AGAP1: variants seen among roughly 807,000 people sequenced by gnomAD.
The protein encoded by AGAP1 is arf-GAP with GTPase, ANK repeat and PH domain-containing protein 1.
In AGAP1, 29 loss-of-function variants were observed where a neutral mutation model predicts 105.3. The ratio of observed to expected loss-of-function variants is 0.28; its 90% CI spans 0.21 to 0.38. The LOEUF (loss-of-function observed/expected upper bound fraction) is 0.38, where lower values mean the gene tolerates loss of function less well. AGAP1 is among the 10% of genes least tolerant of loss of function. AGAP1 has a pLI of 1.00. For missense variants in AGAP1, 998 were observed against 1,165.1 expected, an observed-to-expected ratio of 0.86 and a Z score of 2.09; for synonymous variants, 509 against 485.9, an observed-to-expected ratio of 1.05 and a Z score of -0.63.
chr2:236,052,559 C>G (rs2057934796), intron 16 of AGAP1, among the ~76,000 whole-genome samples: 1 of 152,156 alleles, frequency 6.6e-6, no homozygotes, highest in African/African-American at 2.4e-5. Flanking sequence ...CAAACTTGAG[C>G]AGCATCATGA....
intron 1 of AGAP1, among the ~76,000 whole-genome samples, chr2:235,673,491 G>T (rs1363127923): frequency 3.3e-5 from 5 of 152,150 alleles, no homozygotes; most frequent in Non-Finnish European, 7.4e-5. Flanking sequence ...TGTGAGATCG[G>T]GTGGCGCCCT....
At chr2:235,495,040 G>A (rs1478047821) in intron 1 of AGAP1, among the ~76,000 whole-genome samples, 191 bp downstream of exon 1, 1 of 152,166 alleles carries the variant, frequency 6.6e-6, no homozygotes, top group Non-Finnish European at 1.5e-5. Context: ...CGCGCCGCGA[G>A]CTCCGCCAGG....
chr2:236,107,458 T>C (rs1458464116), intron 16 of AGAP1, among the ~76,000 whole-genome samples: 1 of 152,154 alleles, frequency 6.6e-6, no homozygotes, highest in African/African-American at 2.4e-5. Flanking sequence ...ACAGTCTCCA[T>C]AGGTTGCCTC....
chr2:235,895,699 TTGGATGGATGGATGGATGGA>T (rs113317282), intron 10 of AGAP1, among the ~76,000 whole-genome samples: 5 of 118,908 alleles, frequency 4.2e-5, no homozygotes, highest in Non-Finnish European at 7.8e-5. Context: ...CACTGGCTTG[TTGGATGGATGGATGGATGGA>T]TGGATGGATG....
chr2:235,667,942 C>T (rs891985486), intron 1 of AGAP1, among the ~76,000 whole-genome samples: 6 of 119,952 alleles, frequency 5.0e-5, no homozygotes, highest in South Asian at 2.6e-4. Context: ...TGGGCAAGAG[C>T]GAGTGAGCCT....
In AGAP1 at chr2:235,965,851, G is replaced by A. The variant is rs1016536989; in HGVS notation, c.1484-2611G>A. Among the ~76,000 whole-genome samples, 2 of 152,172 alleles carry A rather than the reference G, an allele frequency of 1.3e-5. No individual in the cohort carries two copies. The highest frequency in any genetic ancestry group is 2.4e-5 in the African/African-American group (1 of 41,440). ...ACAGAAGTGACGCAGTGGAGAGGGA[G>A]GAATGAGTGGAAGTGACCTGGCCAA... On this transcript the variant is annotated intron_variant, in intron 12 of 17. Transcript: ENST00000304032. This position sits in a 1 kb window ranked among gnomAD's most constrained non-coding sequence, Gnocchi z 5.8.
chr2:235,762,304 T>C (rs1954513660), intron 6 of AGAP1, among the ~76,000 whole-genome samples: 1 of 152,132 alleles, frequency 6.6e-6, no homozygotes, highest in Admixed American at 6.6e-5. Flanking sequence ...AAAGGGTGGC[T>C]TTGTCTCATG....
chr2:235,839,102 T>C (rs1209793308), intron 9 of AGAP1, among the ~76,000 whole-genome samples: 1 of 152,222 alleles, frequency 6.6e-6, no homozygotes, highest in Non-Finnish European at 1.5e-5. Context: ...TCAGAATCCA[T>C]GCCCATGCCA....
rs542089066 is a variant in AGAP1, at chr2:235,641,476, C to T, written c.164-67703C>T. On this transcript the variant is annotated intron_variant, in intron 1 of 17. Coordinates refer to ENST00000304032, the MANE Select transcript of AGAP1 (RefSeq NM_001037131.3). ...TTGGTAGGATGCCTCCCTTTGCATT[C>T]CAAGGCAGCACTTCAAGCAGCACTT... 5.3e-5 allele frequency among the ~76,000 whole-genome samples: 8 copies of T among 151,206 alleles called. No homozygotes were observed. In the South Asian group the frequency reaches 1.7e-3, roughly 32 times the overall value.
At chr2:235,798,926 G>A (rs1172192704) in intron 7 of AGAP1, among the ~76,000 whole-genome samples, 1 of 147,052 alleles carries the variant, frequency 6.8e-6, no homozygotes, top group Non-Finnish European at 1.5e-5. Context: ...TTAATTTTCT[G>A]TGAATCTTGA....
Position 236,101,286 on chromosome 2 carries a change from A to G in AGAP1, c.2115-18906A>G, listed in dbSNP as rs1292899434. 1.3e-5 allele frequency among the ~76,000 whole-genome samples: 2 copies of G among 152,172 alleles called. No individual in the cohort carries two copies. Among genetic ancestry groups the G allele is most frequent in the Non-Finnish European group, 2.9e-5 (2 of 68,032 alleles). On this transcript the variant is annotated intron_variant, in intron 16 of 17. Transcript: ENST00000304032. This position sits in a 1 kb window ranked among gnomAD's most constrained non-coding sequence, Gnocchi z 4.9. ...ATTAAGAAGACTCCTTATTGTTCCA[A>G]AGCAATGGTCCTATGTCTTTAAACA...
rs13407705 is a variant in AGAP1, at chr2:235,747,502, A to G, written c.538+2663A>G. Among the ~76,000 whole-genome samples the G allele has an allele frequency of 0.021, 3,201 of 152,010 alleles. 97 individuals are homozygous for G. The highest frequency in any genetic ancestry group is 0.067 in the African/African-American group (2,752 of 41,380). On this transcript the variant is annotated intron_variant, in intron 5 of 17. Coordinates refer to ENST00000304032, the MANE Select transcript of AGAP1 (RefSeq NM_001037131.3). The surrounding 1 kb of genome is among the most constrained non-coding windows in gnomAD (Gnocchi z 5.0). ...CGGGGTGAGCAGGTAAGCGGGCCCCATGCCCTCCCTGCAGGACTCCTCTTA... is the reference window on the plus strand; with the variant it reads ...CGGGGTGAGCAGGTAAGCGGGCCCCGTGCCCTCCCTGCAGGACTCCTCTTA...
intron 1 of AGAP1, among the ~76,000 whole-genome samples, chr2:235,677,087 T>C (rs1198015885): frequency 6.6e-6 from 1 of 152,244 alleles, no homozygotes; most frequent in African/African-American, 2.4e-5. Flanking sequence ...TTCCCATCGT[T>C]GATACTTGCA....
At chr2:235,881,673 C>A (rs1010816344) in intron 9 of AGAP1, among the ~76,000 whole-genome samples, 4 of 152,190 alleles carry the variant, frequency 2.6e-5, no homozygotes, top group Non-Finnish European at 5.9e-5. Context: ...GGGGCCTGCC[C>A]AAGCTCAGTG....
At chr2:235,841,573 T>C (rs1020377869) in intron 9 of AGAP1, among the ~76,000 whole-genome samples, 1 of 152,120 alleles carries the variant, frequency 6.6e-6, no homozygotes, top group Admixed American at 6.6e-5. Flanking sequence ...GAGGCTGCAG[T>C]GAACTGTGAT....
Position 236,113,171 on chromosome 2 carries a change from C to T in AGAP1, c.2115-7021C>T, listed in dbSNP as rs1210535945. Among the ~76,000 whole-genome samples the T allele has an allele frequency of 2.6e-5, 4 of 152,224 alleles. No individual in the cohort carries two copies. Among genetic ancestry groups the T allele is most frequent in the African/African-American group, 7.2e-5 (3 of 41,454 alleles). On this transcript the variant is annotated intron_variant, in intron 16 of 17. Transcript: ENST00000304032. The surrounding 1 kb of genome is among the most constrained non-coding windows in gnomAD (Gnocchi z 4.3). The stretch of plus-strand genomic sequence containing the variant: ...TTTGTTTGTTTTTGAGACGGAGTCT[C>T]GCTCTTTTGCCCAGGCTGGAGTGCA...
At chr2:236,088,549 G>A (rs1246956558) in intron 16 of AGAP1, among the ~76,000 whole-genome samples, 1 of 152,228 alleles carries the variant, frequency 6.6e-6, no homozygotes, top group Non-Finnish European at 1.5e-5. Flanking sequence ...GAACTTAAAT[G>A]TTGGTTCAGT....
At position 235,891,961 on chromosome 2, in the gene AGAP1, C is replaced by T. The variant is rs182824839; in HGVS notation, c.1155+8512C>T. On this transcript the variant is annotated intron_variant, in intron 10 of 17. Coordinates refer to ENST00000304032, the MANE Select transcript of AGAP1 (RefSeq NM_001037131.3). The surrounding 1 kb of genome is among the most constrained non-coding windows in gnomAD (Gnocchi z 4.2). Reference sequence around the variant, plus strand: ...CTGAGGTCAGGAGTTCAAGACTAGCCTGGCCAATATGGTGAAACCCCATCT... The same window carrying T: ...CTGAGGTCAGGAGTTCAAGACTAGCTTGGCCAATATGGTGAAACCCCATCT... 5.1e-4 allele frequency among the ~76,000 whole-genome samples: 78 copies of T among 152,252 alleles called. No individual in the cohort carries two copies. Among genetic ancestry groups the T allele is most frequent in the Admixed American group, 2.1e-3 (32 of 15,298 alleles).
In AGAP1 at chr2:235,879,657, G is replaced by C. The variant is rs1005414531; in HGVS notation, c.1051-3688G>C. 1.3e-5 allele frequency among the ~76,000 whole-genome samples: 2 copies of C among 152,094 alleles called. No homozygotes were observed. The highest frequency in any genetic ancestry group is 2.9e-5 in the Non-Finnish European group (2 of 68,032). ...CTAAAGACCTAAGCGAGGCATGGTG[G>C]CTCACTCCCCTGTTACCCCAGCACT... On this transcript the variant is annotated intron_variant, in intron 9 of 17. Transcript: ENST00000304032. The surrounding 1 kb of genome is among the most constrained non-coding windows in gnomAD (Gnocchi z 5.0).
Sources: gnomAD v4.1 joint callset for allele counts (sites outside exome capture counted in the v4.1 genomes callset) on GRCh38, gnomAD v4.1.1 for gene constraint, Gnocchi (gnomAD v3.1) non-coding constraint, MANE v1.5 for transcripts, NCBI Gene and HGNC (gene_info 2026-07-23, HGNC 2026-07-21) for gene names.